VCAN: variants seen among roughly 807,000 people sequenced by gnomAD.
The protein encoded by VCAN is versican core protein.
In VCAN, 44 loss-of-function variants were observed where a neutral mutation model predicts 245.5. That is an observed-to-expected ratio of 0.18 (90% CI 0.14 to 0.23). The LOEUF (loss-of-function observed/expected upper bound fraction) is 0.23, where lower values mean the gene tolerates loss of function less well. Ranked by LOEUF, VCAN falls within the 10% of genes least tolerant of loss-of-function variation. The pLI is 1.00. For missense variants in VCAN, 3,793 were observed against 4,057.9 expected, an observed-to-expected ratio of 0.93 and a Z score of 1.77; for synonymous variants, 1,413 against 1,437.0, an observed-to-expected ratio of 0.98 and a Z score of 0.38.
At chr5:83,532,772 T>C (rs1167059514) in intron 7 of VCAN, among the ~76,000 whole-genome samples, 1 of 152,108 alleles carries the variant, frequency 6.6e-6, no homozygotes, top group Non-Finnish European at 1.5e-5. Flanking sequence ...AGAATAATAA[T>C]AGTTGCTTAA....
At chr5:83,480,859 T>C (rs1297852593) in intron 1 of VCAN, among the ~76,000 whole-genome samples, 2 of 152,240 alleles carry the variant, frequency 1.3e-5, no homozygotes, top group East Asian at 1.9e-4. Flanking sequence ...TATGAAACTA[T>C]GTTAGAACAT....
chr5:83,572,351 A>G, intron 12 of VCAN, 65 bp from the exon 13 acceptor site: 1 of 1,566,524 alleles, frequency 6.4e-7, no homozygotes, highest in Non-Finnish European at 8.8e-7. Context: ...GTGATATAAT[A>G]CCGTCGTTGC....
intron 13 of VCAN, 99 bp downstream of exon 13, chr5:83,572,659 C>G: frequency 7.0e-7 from 1 of 1,434,450 alleles, no homozygotes; most frequent in Non-Finnish European, 9.7e-7. Context: ...GAGACACAAA[C>G]TGGATATGTC....
At chr5:83,569,401 T>G (rs1167665251) in intron 12 of VCAN, among the ~76,000 whole-genome samples, 1 of 152,184 alleles carries the variant, frequency 6.6e-6, no homozygotes, top group Non-Finnish European at 1.5e-5. Context: ...TCATTGTCTC[T>G]AAATATCAAA....
rs750054814 is a variant in VCAN, at chr5:83,538,966, G to A, written c.5963G>A (p.Gly1988Glu). Residue 1988 changes from glycine to glutamate, a missense_variant, in exon 8 of 15, where the codon GGA (glycine) becomes GAA (glutamate). By Grantham distance (98) the Gly-to-Glu change is moderately conservative. Transcript: ENST00000265077. ...ATCAGTCACATATCTGACTCAGAAG[G>A]ACCCAGTAGCACCATGGTCAGCACT... ...VHISHISDSE[G>E]PSSTMVSTSA... 8 of 1,613,864 alleles carry A rather than the reference G, an allele frequency of 5.0e-6. No homozygotes were observed. The highest frequency in any genetic ancestry group is 6.8e-6 in the Non-Finnish European group (8 of 1,179,972).
intron 6 of VCAN, among the ~76,000 whole-genome samples, chr5:83,514,413 A>C (rs1412362687): frequency 6.6e-6 from 1 of 150,572 alleles, no homozygotes; most frequent in Non-Finnish European, 1.5e-5. Context: ...TTTTTCAAAA[A>C]ATTTTTTAGT....
intron 8 of VCAN, among the ~76,000 whole-genome samples, chr5:83,542,781 G>T (rs1170430480): frequency 6.6e-6 from 1 of 152,124 alleles, no homozygotes; most frequent in African/African-American, 2.4e-5. Context: ...ATACTTATAT[G>T]CAATGTCCTT....
chr5:83,490,068 T>G (rs1744926331), intron 2 of VCAN, 30 bp from the exon 3 acceptor site: 1 of 1,612,766 alleles, frequency 6.2e-7, no homozygotes, highest in Non-Finnish European at 8.5e-7. Context: ...TTTTTAAGAT[T>G]GTTAATTTGT....
Position 83,521,352 on chromosome 5 carries a change from A to G in VCAN, c.3046A>G (p.Ile1016Val), listed in dbSNP as rs139937202. The G allele has an allele frequency of 3.1e-6, 5 of 1,614,104 alleles. No individual in the cohort carries two copies. The highest frequency in any genetic ancestry group is 2.5e-6 in the Non-Finnish European group (3 of 1,179,986). ...VIDQTRLEAT[I>V]SPETMRTTKI... ...TGATCAGACTCGCCTTGAAGCGACT[A>G]TTTCTCCAGAAACTATGAGAACAAC... is the stretch of plus-strand genomic sequence containing the variant. The change falls in exon 7 of 15, where the codon ATT (isoleucine) becomes GTT (valine). Residue 1016 changes from isoleucine to valine, a missense_variant. By Grantham distance (29) the Ile-to-Val change is conservative. Transcript: ENST00000265077.
chr5:83,494,395 T>TA, intron 5 of VCAN, among the ~76,000 whole-genome samples: 1 of 152,354 alleles, frequency 6.6e-6, no homozygotes, highest in African/African-American at 2.4e-5. Context: ...GTTACACTAA[T>TA]ATTCAGAGCA....
At position 83,540,898 on chromosome 5, in the gene VCAN, C is replaced by T. The variant is rs767660495; in HGVS notation, c.7895C>T (p.Thr2632Ile). 23 of 1,613,838 alleles carry T rather than the reference C, an allele frequency of 1.4e-5. No individual in the cohort carries two copies. The highest frequency in any genetic ancestry group is 1.6e-4 in the Middle Eastern group (1 of 6,084). ...IYEAAVNLSL[T>I]EETFEGSADV... ...GAGGCAGCTGTCAACCTTTCTTTAACTGAGGAAACATTTGAGGGCTCTGCT... is the reference window on the plus strand; with the variant it reads ...GAGGCAGCTGTCAACCTTTCTTTAATTGAGGAAACATTTGAGGGCTCTGCT... The change falls in exon 8 of 15, where the codon ACT (threonine) becomes ATT (isoleucine). Residue 2632 changes from threonine (T) to isoleucine (I), a missense_variant. Around this residue, in one of 5 missense-constraint regions of VCAN, gnomAD observed 3,182 missense variants for 3,250.3 expected, o/e 0.98. Transcript: ENST00000265077.
At chr5:83,494,432 A>G (rs1745092702) in intron 5 of VCAN, among the ~76,000 whole-genome samples, 1 of 152,186 alleles carries the variant, frequency 6.6e-6, no homozygotes. Flanking sequence ...ACCAGTCAAT[A>G]CGTTAAACCA....
chr5:83,481,516 T>A (rs1660523799), intron 1 of VCAN, among the ~76,000 whole-genome samples: 1 of 152,174 alleles, frequency 6.6e-6, no homozygotes, highest in Non-Finnish European at 1.5e-5. Context: ...TGCTGTCTTA[T>A]AAGAAATCCA....
chr5:83,565,869 A>G (rs1748059640), intron 12 of VCAN, among the ~76,000 whole-genome samples: 1 of 151,892 alleles, frequency 6.6e-6, no homozygotes, highest in Non-Finnish European at 1.5e-5. Flanking sequence ...AAGTAGTACT[A>G]AAGATGAACC....
At position 83,541,559 on chromosome 5, in the gene VCAN, A is replaced by C; in HGVS notation, c.8556A>C (p.Ile2852=). Residue 2852 remains isoleucine, a synonymous_variant, in exon 8 of 15, where the codon ATA becomes ATC. Transcript: ENST00000265077. ...EIPQPSALPG[I]DVGSSVMSPQ... ...CCCAGCCCAGTGCTCTGCCAGGAAT[A>C]GACGTCGGCTCATCTGTAATGTCCC... The C allele has an allele frequency of 6.2e-7, 1 of 1,613,932 alleles. No homozygotes were observed. Among genetic ancestry groups the C allele is most frequent in the Non-Finnish European group, 8.5e-7 (1 of 1,180,008 alleles).
chr5:83,493,455 A>G, intron 3 of VCAN, 91 bp from the exon 4 acceptor site: 2 of 1,469,858 alleles, frequency 1.4e-6, no homozygotes, highest in Non-Finnish European at 1.9e-6. Context: ...TATGTATCCA[A>G]CTAAGTTGAT....
At chr5:83,511,596 G>A (rs940640132) in intron 5 of VCAN, among the ~76,000 whole-genome samples, 1 of 148,348 alleles carries the variant, frequency 6.7e-6, no homozygotes, top group African/African-American at 2.5e-5. Flanking sequence ...ATTTAATGGC[G>A]TTAATCCACT....
At chr5:83,508,141 A>G (rs993197509) in intron 5 of VCAN, among the ~76,000 whole-genome samples, 4 of 152,116 alleles carry the variant, frequency 2.6e-5, no homozygotes, top group Admixed American at 2.6e-4. Context: ...GCAGCCTTTG[A>G]CATAATCCTG....
Position 83,520,504 on chromosome 5 carries a change from C to T in VCAN, c.2198C>T (p.Pro733Leu), listed in dbSNP as rs1746040101. ...GMKLSTSLSE[P>L]IHVTESSVEM... ...AAACTCTCTACATCTCTCTCAGAGC[C>T]AATTCATGTTACAGAGTCTTCTGTG... Residue 733 changes from proline (P) to leucine (L), a missense_variant, in exon 7 of 15, where the codon CCA (proline) becomes CTA (leucine). Physicochemically the swap from Pro to Leu is moderately conservative, Grantham distance 98. Around this residue, in one of 5 missense-constraint regions of VCAN, gnomAD observed 3,182 missense variants for 3,250.3 expected, o/e 0.98. Coordinates refer to ENST00000265077, the MANE Select transcript of VCAN (RefSeq NM_004385.5). 3 of 1,614,004 alleles carry T rather than the reference C, an allele frequency of 1.9e-6. No individual in the cohort carries two copies. The highest frequency in any genetic ancestry group is 2.7e-5 in the African/African-American group (2 of 75,032).
Sources: allele counts gnomAD v4.1 joint callset (sites outside exome capture counted in the v4.1 genomes callset), GRCh38; gene constraint gnomAD v4.1.1; regional missense constraint gnomAD v4.1.1; transcripts MANE v1.5; gene names NCBI Gene and HGNC (gene_info 2026-07-23, HGNC 2026-07-21).